The following RBFOX3 variants were observed in gnomAD, a reference collection of about 807,000 sequenced individuals.
RBFOX3 encodes RNA binding fox-1 homolog 3, also known as RNA binding protein fox-1 homolog 3.
In RBFOX3, 17 loss-of-function variants were observed where a neutral mutation model predicts 48.7. The ratio of observed to expected loss-of-function variants is 0.35; its 90% confidence interval spans 0.24 to 0.52. The LOEUF (loss-of-function observed/expected upper bound fraction) is 0.52. Ranked by LOEUF, RBFOX3 falls within the 20% of genes least tolerant of loss-of-function variation. The pLI is 0.94. For missense variants in RBFOX3, 382 were observed against 497.5 expected (o/e 0.77, Z 2.21); for synonymous variants, 212 against 209.5 (o/e 1.01, Z -0.10).
At chr17:79,493,679 T>C (rs2081028511) in intron 1 of RBFOX3, among the ~76,000 whole-genome samples, 1 of 152,238 alleles carries the variant, frequency 6.6e-6, no homozygotes, top group Non-Finnish European at 1.5e-5. Context: ...GTCTCAGCCA[T>C]GACCTATGAA....
chr17:79,207,683 T>G (rs1255474947), intron 4 of RBFOX3, among the ~76,000 whole-genome samples: 1 of 152,144 alleles, frequency 6.6e-6, no homozygotes, highest in Non-Finnish European at 1.5e-5. Context: ...TTCCCTTTTC[T>G]AGGGGGGTGT....
intron 4 of RBFOX3, among the ~76,000 whole-genome samples, chr17:79,131,115 C>T (rs530270149): frequency 4.7e-5 from 7 of 149,658 alleles, no homozygotes; most frequent in East Asian, 3.9e-4. Flanking sequence ...TGCACATGTG[C>T]GCCCCGTGTG....
At chr17:79,420,935 T>C (rs1231354043) in intron 2 of RBFOX3, among the ~76,000 whole-genome samples, 1 of 152,154 alleles carries the variant, frequency 6.6e-6, no homozygotes, top group Admixed American at 6.5e-5. Context: ...AGGTCAGCCA[T>C]GTACACCTCC....
At chr17:79,094,778 G>C (rs78798924) in intron 13 of RBFOX3, among the ~76,000 whole-genome samples, 44 of 150,916 alleles carry the variant, frequency 2.9e-4, no homozygotes, top group Admixed American at 5.3e-4. Flanking sequence ...TGACGGGGTG[G>C]GGGGAGGGGG....
At chr17:79,505,041 G>C (rs1050975042) in intron 1 of RBFOX3, among the ~76,000 whole-genome samples, 1 of 152,108 alleles carries the variant, frequency 6.6e-6, no homozygotes, top group Non-Finnish European at 1.5e-5. Flanking sequence ...CCCACTGGCC[G>C]GCCAGCTGCT....
At chr17:79,188,428 G>A (rs1051359312) in intron 4 of RBFOX3, among the ~76,000 whole-genome samples, 6 of 152,210 alleles carry the variant, frequency 3.9e-5, no homozygotes, top group East Asian at 3.8e-4. Context: ...ATTAAGAGGC[G>A]TTTGCCAGCC....
In RBFOX3 at chr17:79,090,815, T is replaced by G; in HGVS notation, c.*68A>C. 1 of 1,484,410 alleles carries G rather than the reference T, an allele frequency of 6.7e-7. No individual in the cohort carries two copies. Among genetic ancestry groups the G allele is most frequent in the Non-Finnish European group, 9.0e-7 (1 of 1,111,514 alleles). The allele number at this position is 1,484,410 out of a possible 1,614,324, so 92.0% of individuals were successfully genotyped here. A position where few individuals can be genotyped will look rare whatever the true frequency, so the allele number is the denominator to read the frequency against. On this transcript the variant is annotated 3_prime_UTR_variant, in exon 15 of 15. Coordinates refer to ENST00000693108, the MANE Select transcript of RBFOX3 (RefSeq NM_001350451.2). ...TCTTAACATCTTTTTTTGTTTTTTT[T>G]GTTTTGTGATTTTTTTTGTTTTTTT...
intron 4 of RBFOX3, among the ~76,000 whole-genome samples, chr17:79,173,437 C>T (rs926003503): frequency 1.3e-5 from 2 of 152,198 alleles, no homozygotes; most frequent in Non-Finnish European, 2.9e-5. Flanking sequence ...TTCCTACTGC[C>T]ATCCCACCCT....
chr17:79,442,224 A>AGG (rs1568257608), intron 2 of RBFOX3, among the ~76,000 whole-genome samples: 1 of 710 alleles, frequency 1.4e-3, no homozygotes, highest in African/African-American at 5.5e-3. Context: ...GGAGAGAGAG[A>AGG]GAGAGAGAGA....
intron 4 of RBFOX3, among the ~76,000 whole-genome samples, chr17:79,196,929 G>A (rs1261301279): frequency 6.6e-6 from 1 of 152,064 alleles, no homozygotes; most frequent in African/African-American, 2.4e-5. Context: ...AGTGTACTGG[G>A]GCCCACCAAG....
In RBFOX3 at chr17:79,442,228, A is replaced by AGGGG. The variant is rs1568257722; in HGVS notation, c.-175+40225_-175+40226insCCCC. Among the ~76,000 whole-genome samples the AGGGG allele has an allele frequency of 2.8e-3, 2 of 716 alleles. 1 individual carries two copies. The highest frequency in any genetic ancestry group is 0.011 in the African/African-American group (2 of 190). 0.5% of individuals were successfully genotyped at this position (716 alleles called of 152,430 possible). A position where few individuals can be genotyped will look rare whatever the true frequency, so the allele number is the denominator to read the frequency against. ...AGGAGGGAGGGGGAGAGAGAGAGAG[A>AGGGG]GAGAGAGAGAGAGAGAGAGAGAGAG... On this transcript the variant is annotated intron_variant, in intron 2 of 14. Coordinates refer to ENST00000693108, the MANE Select transcript of RBFOX3 (RefSeq NM_001350451.2).
chr17:79,127,798 A>C (rs898467089), intron 4 of RBFOX3, among the ~76,000 whole-genome samples: 7 of 152,176 alleles, frequency 4.6e-5, no homozygotes, highest in African/African-American at 1.7e-4. Flanking sequence ...GGCCCCACTC[A>C]TAAGAGACCT....
chr17:79,367,377 C>G lies in RBFOX3; in HGVS notation c.-174-59553G>C, dbSNP rs186060499. On this transcript the variant is annotated intron_variant, in intron 2 of 14. Coordinates refer to ENST00000693108, the MANE Select transcript of RBFOX3 (RefSeq NM_001350451.2). ...CCTCCTACTCCTCCTCCACATCCTC[C>G]CCTCCAGTCCTCCTCCACCTCAAGT... Among the ~76,000 whole-genome samples, 645 of 151,310 alleles carry G rather than the reference C, an allele frequency of 4.3e-3. 4 individuals are homozygous for G. Among genetic ancestry groups the G allele is most frequent in the Non-Finnish European group, 7.1e-3 (480 of 67,848 alleles).
In RBFOX3 at chr17:79,364,041, T is replaced by C. The variant is rs1297553223; in HGVS notation, c.-174-56217A>G. ...AAGCCTCAGCTCAGATGCCAGGTCC[T>C]CAGAGAATCCAGCCCTACAGGAAAC... On this transcript the variant is annotated intron_variant, in intron 2 of 14. Transcript: ENST00000693108. The surrounding 1 kb of genome is among the most constrained non-coding windows in gnomAD (Gnocchi z 5.1). Among the ~76,000 whole-genome samples, 1 of 152,148 alleles carries C rather than the reference T, an allele frequency of 6.6e-6. No individual in the cohort carries two copies. Among genetic ancestry groups the C allele is most frequent in the African/African-American group, 2.4e-5 (1 of 41,434 alleles).
chr17:79,406,637 C>A (rs528350674), intron 2 of RBFOX3, among the ~76,000 whole-genome samples: 2 of 152,136 alleles, frequency 1.3e-5, no homozygotes, highest in Non-Finnish European at 2.9e-5. Context: ...GTAAATGTGA[C>A]GCGGCGCTGA....
chr17:79,497,732 G>A (rs1225484725), intron 1 of RBFOX3, among the ~76,000 whole-genome samples: 1 of 152,206 alleles, frequency 6.6e-6, no homozygotes, highest in Non-Finnish European at 1.5e-5. Context: ...GTACTGAGGG[G>A]CCATCTCTGA....
chr17:79,428,476 A>T (rs1555726762), intron 2 of RBFOX3, among the ~76,000 whole-genome samples: 1 of 152,238 alleles, frequency 6.6e-6, no homozygotes, highest in Non-Finnish European at 1.5e-5. Flanking sequence ...GCTGGTCTCA[A>T]CTTTTTACTT....
intron 2 of RBFOX3, among the ~76,000 whole-genome samples, chr17:79,429,361 C>T (rs567412055): frequency 7.9e-5 from 12 of 152,294 alleles, no homozygotes; most frequent in East Asian, 1.9e-4. Context: ...CAGAGGAAAC[C>T]GGAAGAAGAA....
chr17:79,467,627 G>A (rs1349026901), intron 2 of RBFOX3, among the ~76,000 whole-genome samples: 2 of 152,264 alleles, frequency 1.3e-5, no homozygotes, highest in South Asian at 4.1e-4. Flanking sequence ...AACTGCAGAT[G>A]GTGGGGGGCA....
Sources: gnomAD v4.1 joint callset for allele counts (sites outside exome capture counted in the v4.1 genomes callset) on GRCh38, gnomAD v4.1.1 for gene constraint, Gnocchi (gnomAD v3.1) non-coding constraint, MANE v1.5 for transcripts, NCBI Gene and HGNC (gene_info 2026-07-23, HGNC 2026-07-21) for gene names.